CHRM3: variants seen among roughly 807,000 people sequenced by gnomAD.
The protein encoded by CHRM3 is cholinergic receptor muscarinic 3.
CHRM3 carries 11 observed loss-of-function variants against 41.8 expected under a neutral mutation model. The observed-to-expected ratio is 0.26, with a 90% confidence interval of 0.17 to 0.44. The LOEUF (loss-of-function observed/expected upper bound fraction) is 0.44. Among genes scored for constraint, CHRM3 ranks in the 20% least tolerant of loss-of-function variants. The probability of loss-of-function intolerance (pLI) is 1.00; values close to 1 mark genes in which losing one functional copy is unlikely to be tolerated. For missense variants in CHRM3, 571 were observed against 745.4 expected (o/e 0.77, Z 2.72); for synonymous variants, 297 against 301.4 (o/e 0.99, Z 0.15).
At chr1:239,611,925 A>C (rs1169366035) in intron 3 of CHRM3, among the ~76,000 whole-genome samples, 1 of 152,204 alleles carries the variant, frequency 6.6e-6, no homozygotes, top group African/African-American at 2.4e-5. Context: ...AGATTTTAAT[A>C]ATTCTAACTA....
chr1:239,764,967 G>T (rs1667088361), intron 5 of CHRM3, among the ~76,000 whole-genome samples: 1 of 152,182 alleles, frequency 6.6e-6, no homozygotes, highest in African/African-American at 2.4e-5. Context: ...ATTCTAGAAA[G>T]GCTTTGCCTT....
intron 5 of CHRM3, among the ~76,000 whole-genome samples, chr1:239,746,371 G>A (rs990399814): frequency 6.6e-6 from 1 of 152,198 alleles, no homozygotes; most frequent in East Asian, 1.9e-4. Flanking sequence ...CAGGTGTAAT[G>A]TGACAAGTGA....
At chr1:239,426,501 A>G (rs1352804655) in intron 1 of CHRM3, among the ~76,000 whole-genome samples, 1 of 151,916 alleles carries the variant, frequency 6.6e-6, no homozygotes, top group African/African-American at 2.4e-5. Flanking sequence ...AAAAAATCCA[A>G]ACCAAACCAA....
In CHRM3 at chr1:239,889,908, A is replaced by G. The variant is rs567511568; in HGVS notation, c.-19-17525A>G. Among the ~76,000 whole-genome samples the G allele has an allele frequency of 1.2e-4, 19 of 152,324 alleles. 1 individual carries two copies. In the East Asian group the frequency reaches 3.7e-3, roughly 29 times the overall value. On this transcript the variant is annotated intron_variant, in intron 6 of 6. Coordinates refer to ENST00000676153, the MANE Select transcript of CHRM3 (RefSeq NM_001375978.1). Reference sequence around the variant, plus strand: ...CTTGGCAGTTTCTGGTATATCTGTCACAGAGTAAAGAGGAATCAAATCTGT... The same window carrying G: ...CTTGGCAGTTTCTGGTATATCTGTCGCAGAGTAAAGAGGAATCAAATCTGT...
intron 3 of CHRM3, among the ~76,000 whole-genome samples, chr1:239,603,110 A>G (rs1022464633): frequency 2.0e-5 from 3 of 151,970 alleles, no homozygotes; most frequent in Non-Finnish European, 4.4e-5. Context: ...AATATACAAT[A>G]TTTGTATTTT....
chr1:239,448,158 C>A (rs1440296376), intron 1 of CHRM3, among the ~76,000 whole-genome samples: 1 of 152,098 alleles, frequency 6.6e-6, no homozygotes, highest in East Asian at 1.9e-4. Flanking sequence ...TTAAATGGGA[C>A]AACACAGGAA....
intron 3 of CHRM3, among the ~76,000 whole-genome samples, chr1:239,551,144 C>CTT (rs1157407521): frequency 0.18 from 10,594 of 60,426 alleles, 3,051 homozygotes; most frequent in African/African-American, 0.24. Flanking sequence ...TGTTACCATT[C>CTT]TTTTTTTTTT....
At chr1:239,465,085 A>G (rs1333176497) in intron 1 of CHRM3, among the ~76,000 whole-genome samples, 1 of 152,116 alleles carries the variant, frequency 6.6e-6, no homozygotes, top group Non-Finnish European at 1.5e-5. Flanking sequence ...TTCTGTGTAA[A>G]TGTCTAATAA....
chr1:239,812,357 A>G (rs1250128217), intron 5 of CHRM3, among the ~76,000 whole-genome samples: 1 of 152,146 alleles, frequency 6.6e-6, no homozygotes, highest in Non-Finnish European at 1.5e-5. Context: ...TCATTTTTAT[A>G]TGGGATTTAG....
chr1:239,869,232 A>C (rs944929097), intron 6 of CHRM3, among the ~76,000 whole-genome samples: 1 of 152,182 alleles, frequency 6.6e-6, no homozygotes, highest in Non-Finnish European at 1.5e-5. Flanking sequence ...AAAAGGAACC[A>C]TATGGTACAA....
chr1:239,799,002 G>A (rs1380038247), intron 5 of CHRM3, among the ~76,000 whole-genome samples: 1 of 152,176 alleles, frequency 6.6e-6, no homozygotes, highest in African/African-American at 2.4e-5. Context: ...GCAGGAGGCA[G>A]GAACTGGACC....
chr1:239,875,774 T>G (rs1397124994), intron 6 of CHRM3, among the ~76,000 whole-genome samples: 2 of 152,158 alleles, frequency 1.3e-5, no homozygotes, highest in African/African-American at 4.8e-5. Flanking sequence ...TGGTCAAAAT[T>G]AAGTGAGAGT....
At chr1:239,650,337 G>A (rs1292833112) in intron 4 of CHRM3, among the ~76,000 whole-genome samples, 1 of 152,170 alleles carries the variant, frequency 6.6e-6, no homozygotes, top group Non-Finnish European at 1.5e-5. Context: ...GTATTTCACT[G>A]CTCTAAGCCT....
intron 1 of CHRM3, among the ~76,000 whole-genome samples, chr1:239,444,518 C>T (rs1467613338): frequency 6.6e-6 from 1 of 151,972 alleles, no homozygotes; most frequent in African/African-American, 2.4e-5. Flanking sequence ...GCCTGGTGAG[C>T]TGGGACCTGA....
At chr1:239,651,180 T>C (rs994999457) in intron 4 of CHRM3, among the ~76,000 whole-genome samples, 21 of 152,186 alleles carry the variant, frequency 1.4e-4, no homozygotes, top group African/African-American at 5.1e-4. Flanking sequence ...ATTCTATTAG[T>C]TTCTTTATAA....
chr1:239,902,851 G>T (rs557540546), intron 6 of CHRM3, among the ~76,000 whole-genome samples: 2 of 152,182 alleles, frequency 1.3e-5, no homozygotes, highest in African/African-American at 4.8e-5. Context: ...TCCCTCTAAT[G>T]GTTCTTGTCT....
intron 6 of CHRM3, among the ~76,000 whole-genome samples, chr1:239,847,300 G>C (rs777638548): frequency 6.6e-6 from 1 of 152,108 alleles, no homozygotes; most frequent in Non-Finnish European, 1.5e-5. Flanking sequence ...GAAAATAGAG[G>C]ATCTGTTTAT....
At chr1:239,486,291 T>C (rs1257959389) in intron 1 of CHRM3, among the ~76,000 whole-genome samples, 2 of 152,216 alleles carry the variant, frequency 1.3e-5, no homozygotes, top group Non-Finnish European at 2.9e-5. Context: ...ACTCTGGCTG[T>C]GGTCTGTGCT....
chr1:239,470,171 CCAGAGGAGAACA>C (rs1334013037), intron 1 of CHRM3, among the ~76,000 whole-genome samples: 1 of 151,952 alleles, frequency 6.6e-6, no homozygotes, highest in Non-Finnish European at 1.5e-5. Flanking sequence ...GATTTGAGAC[CCAGAGGAGAACA>C]CAGAGGAGAA....
Sources: gnomAD v4.1 joint callset for allele counts (sites outside exome capture counted in the v4.1 genomes callset) on GRCh38, gnomAD v4.1.1 for gene constraint, MANE v1.5 for transcripts, NCBI Gene and HGNC (gene_info 2026-07-23, HGNC 2026-07-21) for gene names.